The following ASIC2 variants were observed in gnomAD, a reference collection of about 807,000 sequenced individuals.
The protein encoded by ASIC2 is acid sensing ion channel subunit 2, also known as acid-sensing ion channel 2.
A neutral mutation model predicts 57.3 loss-of-function variants in ASIC2; 25 were observed. The observed-to-expected ratio is 0.44, with a 90% CI of 0.32 to 0.61. ASIC2 has a LOEUF of 0.61. Among genes scored for constraint, ASIC2 ranks in the 20% least tolerant of loss-of-function variants. The pLI is 0.06. For synonymous variants in ASIC2, 319 were observed against 307.5 expected, an observed-to-expected ratio of 1.04 and a Z score of -0.39; for missense variants, 641 against 738.1, an observed-to-expected ratio of 0.87 and a Z score of 1.52.
chr17:33,308,816 G>A (rs771001177), intron 1 of ASIC2, among the ~76,000 whole-genome samples: 18 of 151,636 alleles, frequency 1.2e-4, no homozygotes, highest in Admixed American at 2.0e-4. Context: ...AAGGTAAAGT[G>A]CCTTTTTTTG....
chr17:33,958,904 C>T lies in ASIC2; in HGVS notation c.555+197074G>A, dbSNP rs144155534. Among the ~76,000 whole-genome samples, 12 of 152,280 alleles carry T rather than the reference C, an allele frequency of 7.9e-5. No individual in the cohort carries two copies. The East Asian group carries it at 2.3e-3, about 29-fold the overall frequency. On this transcript the variant is annotated intron_variant, in intron 1 of 9. Transcript: ENST00000359872. ...CTGTCACCTCTCCAGTGCTTTGCTG[C>T]TTAGAAATTTCTTCCACCAGGTACC...
At position 34,106,961 on chromosome 17, in the gene ASIC2, A is replaced by G. The variant is rs1441578180; in HGVS notation, c.555+49017T>C. Among the ~76,000 whole-genome samples, 8 of 152,318 alleles carry G rather than the reference A, an allele frequency of 5.3e-5. No homozygotes were observed. In the East Asian group the frequency reaches 1.5e-3, roughly 29 times the overall value. On this transcript the variant is annotated intron_variant, in intron 1 of 9. Transcript: ENST00000359872. ...TTTAGCAAACAGAGCTAAGAAATAC[A>G]TGCATGGACATATATATGTACATGC...
intron 1 of ASIC2, among the ~76,000 whole-genome samples, chr17:34,127,455 C>T (rs557286023): frequency 2.0e-5 from 3 of 152,216 alleles, no homozygotes; most frequent in Non-Finnish European, 2.9e-5. Context: ...ACAATGTGGC[C>T]CCCACAGCCA....
At position 33,190,021 on chromosome 17, in the gene ASIC2, C is replaced by G. The variant is rs578106912; in HGVS notation, c.709-77954G>C. Among the ~76,000 whole-genome samples the G allele has an allele frequency of 5.3e-5, 8 of 152,144 alleles. No homozygotes were observed. The East Asian group carries it at 1.5e-3, about 29-fold the overall frequency. ...TCACCACATGTATTCAGCATTGTAG[C>G]AAAGGTCCTAACTAGTGCAGTAAGA... On this transcript the variant is annotated intron_variant, in intron 1 of 9. Coordinates refer to ENST00000225823, the MANE Select transcript of ASIC2 (RefSeq NM_183377.2).
At chr17:33,902,676 C>T (rs968601806) in intron 1 of ASIC2, among the ~76,000 whole-genome samples, 1 of 152,184 alleles carries the variant, frequency 6.6e-6, no homozygotes, top group Non-Finnish European at 1.5e-5. Flanking sequence ...CAATGCAAGA[C>T]AGTCAACATC....
At chr17:33,682,877 G>A (rs1236831823) in intron 1 of ASIC2, among the ~76,000 whole-genome samples, 1 of 152,172 alleles carries the variant, frequency 6.6e-6, no homozygotes, top group Non-Finnish European at 1.5e-5. Context: ...AGTGAATGAA[G>A]TAAGCTATAC....
At chr17:33,894,048 G>T (rs1361242941) in intron 1 of ASIC2, among the ~76,000 whole-genome samples, 1 of 150,856 alleles carries the variant, frequency 6.6e-6, no homozygotes, top group African/African-American at 2.4e-5. Context: ...AAAGCTGATT[G>T]GCTCTATATT....
intron 1 of ASIC2, among the ~76,000 whole-genome samples, chr17:33,318,650 T>C (rs1385600419): frequency 6.6e-6 from 1 of 152,180 alleles, no homozygotes; most frequent in Non-Finnish European, 1.5e-5. Context: ...TTTCCTTCTT[T>C]GCTCTAGTGA....
At chr17:33,551,370 C>T (rs1412069051) in intron 1 of ASIC2, among the ~76,000 whole-genome samples, 1 of 152,012 alleles carries the variant, frequency 6.6e-6, no homozygotes, top group Non-Finnish European at 1.5e-5. Flanking sequence ...TCATTCTAGT[C>T]CAGGGGAGGA....
In ASIC2 at chr17:33,938,202, G is replaced by A. The variant is rs28470340; in HGVS notation, c.555+217776C>T. 3.3e-3 allele frequency among the ~76,000 whole-genome samples: 503 copies of A among 152,244 alleles called. 3 individuals are homozygous for A. The highest frequency in any genetic ancestry group is 0.012 in the African/African-American group (484 of 41,538). On this transcript the variant is annotated intron_variant, in intron 1 of 9. Transcript: ENST00000359872. ...GGGAGTTTGGAGGGATGCCCTAAAC[G>A]GGACAAAAAGGGGTTACTGGGGATC...
chr17:33,731,016 C>T (rs1265318014), intron 1 of ASIC2, among the ~76,000 whole-genome samples: 13 of 152,338 alleles, frequency 8.5e-5, no homozygotes, highest in Middle Eastern at 6.8e-3. Flanking sequence ...ACCTACACTG[C>T]ACCTACTCCA....
At chr17:33,359,968 AT>A (rs1410529633) in intron 1 of ASIC2, among the ~76,000 whole-genome samples, 3 of 152,096 alleles carry the variant, frequency 2.0e-5, no homozygotes, top group Admixed American at 6.5e-5. Flanking sequence ...TTTTTATCTT[AT>A]TTAAGCCAGT....
chr17:33,842,368 C>T (rs1169775947), intron 1 of ASIC2, among the ~76,000 whole-genome samples: 1 of 152,164 alleles, frequency 6.6e-6, no homozygotes, highest in Non-Finnish European at 1.5e-5. Flanking sequence ...TCGGGACACA[C>T]ATTAAGATGC....
intron 1 of ASIC2, among the ~76,000 whole-genome samples, chr17:33,585,715 G>A (rs1187951039): frequency 6.6e-6 from 1 of 152,080 alleles, no homozygotes; most frequent in Admixed American, 6.5e-5. Context: ...ATCCTTTTTT[G>A]TTATGGCAAC....
chr17:33,313,970 T>A (rs1906539814), intron 1 of ASIC2, among the ~76,000 whole-genome samples: 1 of 151,954 alleles, frequency 6.6e-6, no homozygotes, highest in African/African-American at 2.4e-5. Flanking sequence ...TCACAGAGGA[T>A]GTGTTATTTT....
At chr17:33,984,054 C>T (rs1182898769) in intron 1 of ASIC2, 1 of 152,266 alleles carries the variant, frequency 6.6e-6, no homozygotes, top group African/African-American at 2.4e-5. Flanking sequence ...ATTTTGGTTT[C>T]TAACAAGGGA....
chr17:33,315,809 G>T (rs539872943), intron 1 of ASIC2, among the ~76,000 whole-genome samples: 4 of 152,296 alleles, frequency 2.6e-5, no homozygotes, highest in Admixed American at 2.6e-4. Context: ...ACTGACCCTT[G>T]AAGAAAGCCA....
intron 1 of ASIC2, among the ~76,000 whole-genome samples, chr17:33,350,636 T>C (rs573099676): frequency 1.4e-5 from 2 of 143,480 alleles, no homozygotes; most frequent in African/African-American, 5.5e-5. Context: ...GAGCCAAGAT[T>C]GCACCACTGC....
chr17:33,476,163 G>T (rs948923098), intron 1 of ASIC2, among the ~76,000 whole-genome samples: 5 of 152,054 alleles, frequency 3.3e-5, no homozygotes, highest in Admixed American at 3.3e-4. Flanking sequence ...TTCTAGCAAG[G>T]ACCTAACCGG....
Sources: allele counts gnomAD v4.1 joint callset (sites outside exome capture counted in the v4.1 genomes callset), GRCh38; gene constraint gnomAD v4.1.1; transcripts MANE v1.5; gene names NCBI Gene and HGNC (gene_info 2026-07-23, HGNC 2026-07-21).